Variants in HDAC6 observed in about 807,000 individuals in gnomAD.
HDAC6 encodes the protein protein deacetylase HDAC6.
In HDAC6, 5 loss-of-function variants were observed where a neutral mutation model predicts 88.9. The observed-to-expected ratio is 0.06, with a 90% CI of 0.03 to 0.12. The LOEUF is 0.12. Among genes scored for constraint, HDAC6 ranks in the 10% least tolerant of loss-of-function variants. The pLI is 1.00. For missense variants in HDAC6, 706 were observed against 1,014.4 expected (o/e 0.70, Z 4.13); for synonymous variants, 378 against 398.0 (o/e 0.95, Z 0.60).
intron 8 of HDAC6, among the ~76,000 whole-genome samples, chrX:48,807,604 C>A (rs900874832): frequency 2.7e-5 from 3 of 111,922 alleles, no homozygotes; most frequent in Non-Finnish European, 3.8e-5. Flanking sequence ...CCTCTGCCTC[C>A]CAGGTTCAAG....
At position 48,802,489 on chromosome X, in the gene HDAC6, C is replaced by T. The variant is rs928035059; in HGVS notation, c.-30-174C>T. 10 of 1,082,003 alleles carry T rather than the reference C, an allele frequency of 9.2e-6. No homozygotes were observed. In the Admixed American group the frequency reaches 1.9e-4, roughly 20 times the overall value. 89.2% of individuals were successfully genotyped at this position (1,082,003 alleles called of 1,213,427 possible). ...CGGGCGGGGCCGGGTAGAATGGCCA[C>T]CTGAGTGGAGGGAGAAGGCCTGAGA... On this transcript the variant is annotated intron_variant, in intron 1 of 28. Coordinates refer to ENST00000334136, the MANE Select transcript of HDAC6 (RefSeq NM_006044.4).
At position 48,823,198 on chromosome X, in the gene HDAC6, G is replaced by A. The variant is rs1360516922; in HGVS notation, c.2799G>A (p.Met933Ile). 4 of 1,203,939 alleles carry A rather than the reference G, an allele frequency of 3.3e-6. No homozygotes were observed. Among genetic ancestry groups the A allele is most frequent in the Non-Finnish European group, 4.5e-6 (4 of 892,366 alleles). Residue 933 changes from methionine (M) to isoleucine (I), a missense_variant, in exon 25 of 29, where the codon ATG (methionine) becomes ATA (isoleucine). Around this residue, in one of 9 missense-constraint regions of HDAC6, gnomAD observed 89 missense variants for 90.9 expected, o/e 0.98. Transcript: ENST00000334136. ...CTGAGGCAGCCATTGGGGGAGCCAT[G>A]CTGGGCCAGACCACCTCAGAGGAGG... The part of the protein sequence containing the change: ...TISEAAIGGA[M>I]LGQTTSEEAV...
At chrX:48,809,800 TAA>T (rs1386161104) in intron 10 of HDAC6, among the ~76,000 whole-genome samples, 6 of 97,098 alleles carry the variant, frequency 6.2e-5, no homozygotes, top group African/African-American at 1.1e-4. Context: ...AGACCCCATC[TAA>T]AAAAAAAAAA....
intron 21 of HDAC6, 24 bp from the exon 22 acceptor site, chrX:48,818,196 C>T (rs782539721): frequency 4.4e-5 from 52 of 1,172,592 alleles, no homozygotes; most frequent in African/African-American, 8.8e-5. Context: ...AGCCATGGTC[C>T]GCTTCCCACC....
Position 48,824,232 on chromosome X carries a change from G to T in HDAC6, c.3517G>T (p.Val1173Phe). The change falls in exon 28 of 29, where the codon GTC (valine) becomes TTC (phenylalanine). Residue 1173 changes from valine to phenylalanine, a missense_variant. Val to Phe is a conservative substitution (Grantham distance 50). This residue lies in a region of HDAC6 where 36 missense variants were observed against 35.5 expected (regional missense o/e 1.01). Coordinates refer to ENST00000334136, the MANE Select transcript of HDAC6 (RefSeq NM_006044.4). ...QHHGNSGHPL[V>F]LSYIDLSAWC... ...CCATGGAAATTCTGGACACCCGCTG[G>T]TCCTCAGCTACATCGACCTGTCAGC... 1 of 1,211,163 alleles carries T rather than the reference G, an allele frequency of 8.3e-7. No homozygotes were observed. Among genetic ancestry groups the T allele is most frequent in the Non-Finnish European group, 1.1e-6 (1 of 895,147 alleles).
chrX:48,824,387 C>T, intron 28 of HDAC6, 93 bp downstream of exon 28: 1 of 1,100,673 alleles, frequency 9.1e-7, no homozygotes, highest in African/African-American at 1.8e-5. Context: ...ACAGGCCCCT[C>T]TGCATGGCTG....
intron 23 of HDAC6, among the ~76,000 whole-genome samples, chrX:48,821,505 T>C (rs1416334172): frequency 1.0e-3 from 105 of 103,458 alleles, no homozygotes; most frequent in African/African-American, 3.5e-3. Context: ...TTTTTTTTTT[T>C]TTTTTTTTTC....
chrX:48,803,012 TG>T lies in HDAC6; in HGVS notation c.222+15del. On this transcript the variant is annotated intron_variant, in intron 3 of 28. Coordinates refer to ENST00000334136, the MANE Select transcript of HDAC6 (RefSeq NM_006044.4). ...ACTGCAAGGGATGGTGAGCAGGGCC[TG>T]GCTGCAGTTTAGCCTCGTATGACAA... is the stretch of plus-strand genomic sequence containing the variant. 1 of 1,209,238 alleles carries T rather than the reference TG, an allele frequency of 8.3e-7. No individual in the cohort carries two copies. The highest frequency in any genetic ancestry group is 2.2e-5 in the Admixed American group (1 of 45,819).
intron 10 of HDAC6, among the ~76,000 whole-genome samples, chrX:48,808,527 C>A (rs1557025131): frequency 1.8e-5 from 2 of 111,657 alleles, no homozygotes; most frequent in Non-Finnish European, 3.8e-5. Flanking sequence ...CCCTATTTTA[C>A]AGATAGGGGG....
Position 48,802,277 on chromosome X carries a change from G to C in HDAC6, c.-31+135G>C. 3 of 884,393 alleles carry C rather than the reference G, an allele frequency of 3.4e-6. No individual in the cohort carries two copies. In the South Asian group the frequency reaches 9.0e-5, roughly 26 times the overall value. 72.9% of individuals were successfully genotyped at this position (884,393 alleles called of 1,213,427 possible). A position where few individuals can be genotyped will look rare whatever the true frequency, so the allele number is the denominator to read the frequency against. On this transcript the variant is annotated intron_variant, in intron 1 of 28. Transcript: ENST00000334136. The stretch of plus-strand genomic sequence containing the variant: ...GGAGATAGGCCGAAAGGGCAGGTTC[G>C]TGAAGGAATGGGGTCTGGGCTGGGC...
chrX:48,812,598 C>T (rs1420209302), intron 10 of HDAC6, among the ~76,000 whole-genome samples: 2 of 111,969 alleles, frequency 1.8e-5, no homozygotes, highest in Admixed American at 1.9e-4. Flanking sequence ...AGTCTACTTT[C>T]TAGAAATTCA....
chrX:48,817,253 A>G, intron 19 of HDAC6, 73 bp from the exon 20 acceptor site: 7 of 374,743 alleles, frequency 1.9e-5, no homozygotes, highest in Non-Finnish European at 2.5e-5. Flanking sequence ...CTCCGTCTCA[A>G]AAAAAAAAAA....
intron 10 of HDAC6, chrX:48,813,380 C>T (rs2062931852): frequency 8.9e-6 from 1 of 112,222 alleles, no homozygotes; most frequent in Admixed American, 9.5e-5. Flanking sequence ...AGCTCTTTTC[C>T]CTCAATTTTA....
At chrX:48,806,109 G>A in intron 6 of HDAC6, 1 of 370,268 alleles carries the variant, frequency 2.7e-6, no homozygotes. Context: ...GGTGACTGAG[G>A]GAAGGGAAGA....
intron 23 of HDAC6, among the ~76,000 whole-genome samples, chrX:48,820,967 C>T (rs1367509651): frequency 2.7e-5 from 3 of 110,155 alleles, no homozygotes; most frequent in East Asian, 5.7e-4. Flanking sequence ...CCTCCTGAGT[C>T]GCTGGGATTA....
At chrX:48,808,523 T>A (rs2062852537) in intron 10 of HDAC6, among the ~76,000 whole-genome samples, 197 bp downstream of exon 10, 2 of 111,484 alleles carry the variant, frequency 1.8e-5, no homozygotes, top group Non-Finnish European at 3.8e-5. Context: ...GGTTCCCTAT[T>A]TTACAGATAG....
intron 8 of HDAC6, among the ~76,000 whole-genome samples, 167 bp from the exon 9 acceptor site, chrX:48,807,866 G>A (rs2147340141): frequency 9.0e-6 from 1 of 111,497 alleles, no homozygotes; most frequent in South Asian, 3.7e-4. Context: ...GGGGTAGATT[G>A]GCAGGGGGTG....
chrX:48,802,448 G>C, intron 1 of HDAC6: 2 of 1,005,620 alleles, frequency 2.0e-6, no homozygotes, highest in Non-Finnish European at 1.3e-6. Flanking sequence ...TGTAAAAGGG[G>C]TGGAGTCTAG....
chrX:48,822,760 C>T lies in HDAC6; in HGVS notation c.2478C>T (p.Val826=), dbSNP rs1557030371. 1.7e-6 allele frequency: 2 copies of T among 1,206,086 alleles called. No individual in the cohort carries two copies. Among genetic ancestry groups the T allele is most frequent in the South Asian group, 1.8e-5 (1 of 56,513 alleles). ...CCTCAATCACTGAGACCATCCAAGTCCATCGCAGATACTGGCGCAGCTTAC... is the reference window on the plus strand; with the variant it reads ...CCTCAATCACTGAGACCATCCAAGTTCATCGCAGATACTGGCGCAGCTTAC... ...ALASITETIQ[V]HRRYWRSLRV... The change falls in exon 24 of 29, where the codon GTC becomes GTT. Residue 826 remains valine (V), a synonymous_variant. Transcript: ENST00000334136.
Sources: allele counts gnomAD v4.1 joint callset (sites outside exome capture counted in the v4.1 genomes callset), GRCh38; gene constraint gnomAD v4.1.1; regional missense constraint gnomAD v4.1.1; transcripts MANE v1.5; gene names NCBI Gene and HGNC (gene_info 2026-07-23, HGNC 2026-07-21).